Variants in TLN1 observed in about 807,000 individuals in gnomAD.
TLN1 encodes talin 1, also known as talin-1.
In TLN1, 56 loss-of-function variants were observed where a neutral mutation model predicts 292.3. The ratio of observed to expected loss-of-function variants is 0.19; its 90% CI spans 0.15 to 0.24. The LOEUF is 0.24. Ranked by LOEUF, TLN1 falls within the 10% of genes least tolerant of loss-of-function variation. TLN1 has a pLI of 1.00. For missense variants in TLN1, 2,433 were observed against 3,248.2 expected, an observed-to-expected ratio of 0.75 and a Z score of 6.10; for synonymous variants, 1,119 against 1,253.7, an observed-to-expected ratio of 0.89 and a Z score of 2.27.
chr9:35,728,111 C>T (rs1456253369), intron 1 of TLN1, among the ~76,000 whole-genome samples: 7 of 152,166 alleles, frequency 4.6e-5, no homozygotes, highest in East Asian at 1.9e-4. Flanking sequence ...TACATTCCTG[C>T]GATGCATTCC....
chr9:35,731,165 G>A (rs527965162), intron 1 of TLN1, among the ~76,000 whole-genome samples: 2 of 152,150 alleles, frequency 1.3e-5, no homozygotes, highest in Admixed American at 6.5e-5. Flanking sequence ...TAACTACATA[G>A]GAATAAAGGA....
rs1825963207 is a variant in TLN1, at chr9:35,725,604, T to C, written c.91A>G (p.Ile31Val). 6.2e-7 allele frequency: 1 copy of C among 1,613,742 alleles called. No individual in the cohort carries two copies. Among genetic ancestry groups the C allele is most frequent in the African/African-American group, 1.3e-5 (1 of 74,900 alleles). ...PSTMVYDACRIIRERIPEAPA... is the reference protein window; with the variant it reads ...PSTMVYDACRVIRERIPEAPA... The stretch of plus-strand genomic sequence containing the variant: ...GCCTCTGGGATCCGCTCACGAATGA[T>C]GCGGCAGGCGTCGTACACCATGGTA... Residue 31 changes from isoleucine to valine, a missense_variant, in exon 2 of 57, where the codon ATC (isoleucine) becomes GTC (valine). Around this residue, in one of 7 missense-constraint regions of TLN1, gnomAD observed 155 missense variants for 287.9 expected, o/e 0.54. Transcript: ENST00000314888.
intron 19 of TLN1, 51 bp from the exon 20 acceptor site, chr9:35,716,607 CA>C (rs1825787999): frequency 1.3e-6 from 2 of 1,593,160 alleles, no homozygotes; most frequent in Non-Finnish European, 1.7e-6. Context: ...ACTGAGGTGT[CA>C]GGGGTGGGGA....
At position 35,715,002 on chromosome 9, in the gene TLN1, C is replaced by T. The variant is rs1369338827; in HGVS notation, c.2754+57G>A. Reference sequence around the variant, plus strand: ...TACTCTCCGCACCTCCCTTTCAGTTCATTCCTCCCACAGCACCCACACTCT... The same window carrying T: ...TACTCTCCGCACCTCCCTTTCAGTTTATTCCTCCCACAGCACCCACACTCT... On this transcript the variant is annotated intron_variant, in intron 21 of 56. Coordinates refer to ENST00000314888, the MANE Select transcript of TLN1 (RefSeq NM_006289.4). 3.1e-6 allele frequency: 5 copies of T among 1,611,858 alleles called. No individual in the cohort carries two copies. In the African/African-American group the frequency reaches 6.7e-5, roughly 22 times the overall value.
Position 35,725,085 on chromosome 9 carries a change from G to A in TLN1, c.229-126C>T. On this transcript the variant is annotated intron_variant, in intron 3 of 56. Transcript: ENST00000314888. ...ACTATGGTGGTTCGTTCAAAAGCAG[G>A]GAATTATGACTGTCTGTTAATAGGA... 3.2e-6 allele frequency: 5 copies of A among 1,550,822 alleles called. No homozygotes were observed. The South Asian group carries it at 4.7e-5, about 14-fold the overall frequency.
intron 25 of TLN1, 87 bp downstream of exon 25, chr9:35,713,866 G>T (rs1825725610): frequency 7.2e-7 from 1 of 1,398,132 alleles, no homozygotes; most frequent in Non-Finnish European, 9.7e-7. Context: ...AAAAAGGAAG[G>T]AAGGAAAGGT....
At chr9:35,716,588 G>A in intron 19 of TLN1, 32 bp from the exon 20 acceptor site, 2 of 1,606,958 alleles carry the variant, frequency 1.2e-6, no homozygotes, top group South Asian at 2.2e-5. Flanking sequence ...AGGCGAGGAA[G>A]CCAGAGACAC....
At position 35,697,203 on chromosome 9, in the gene TLN1, G is replaced by C. The variant is rs896699308; in HGVS notation, c.*588C>G. 3.3e-5 allele frequency: 5 copies of C among 152,774 alleles called. No individual in the cohort carries two copies. Among genetic ancestry groups the C allele is most frequent in the African/African-American group, 1.2e-4 (5 of 41,444 alleles). The allele number at this position is 152,774 out of a possible 1,614,324, so 9.5% of individuals were successfully genotyped here. ...TAGGGTCCGGGTGCAAGGAGGAAGG[G>C]ACCTCAGGTGCAGACTGCCAGTCTT... On this transcript the variant is annotated 3_prime_UTR_variant, in exon 57 of 57. Transcript: ENST00000314888.
intron 2 of TLN1, 90 bp downstream of exon 2, chr9:35,725,475 G>T: frequency 6.4e-7 from 1 of 1,568,516 alleles, no homozygotes; most frequent in Non-Finnish European, 8.7e-7. Context: ...TAGTCTTAGG[G>T]GACAAAGGGG....
chr9:35,699,183 G>A lies in TLN1; in HGVS notation c.6875-27C>T. ...TGGTGGGATGAAGGAAGAGGAAAGAGGCTAAGGCAGAGTGGGGAGGTCAAA... is the reference window on the plus strand; with the variant it reads ...TGGTGGGATGAAGGAAGAGGAAAGAAGCTAAGGCAGAGTGGGGAGGTCAAA... On this transcript the variant is annotated intron_variant, in intron 51 of 56. Transcript: ENST00000314888. The surrounding 1 kb of genome is among the most constrained non-coding windows in gnomAD (Gnocchi z 4.0). 6.3e-7 allele frequency: 1 copy of A among 1,593,644 alleles called. No individual in the cohort carries two copies. Among genetic ancestry groups the A allele is most frequent in the Non-Finnish European group, 8.6e-7 (1 of 1,168,296 alleles).
intron 7 of TLN1, chr9:35,723,315 C>G (rs1178415113): frequency 4.7e-6 from 1 of 213,140 alleles, no homozygotes; most frequent in Non-Finnish European, 9.5e-6. Flanking sequence ...GTTGGTCAGG[C>G]TGGTCTCGAA....
intron 30 of TLN1, 69 bp from the exon 31 acceptor site, chr9:35,711,151 AT>A (rs1368948452): frequency 6.2e-7 from 1 of 1,610,296 alleles, no homozygotes; most frequent in African/African-American, 1.3e-5. Context: ...GTAAGTATTT[AT>A]CTTTTGCCTA....
At chr9:35,715,885 G>A (rs1825768822) in intron 20 of TLN1, among the ~76,000 whole-genome samples, 1 of 152,084 alleles carries the variant, frequency 6.6e-6, no homozygotes, top group Non-Finnish European at 1.5e-5. Flanking sequence ...GATGACTAAA[G>A]TTAAGACTAT....
At position 35,704,686 on chromosome 9, in the gene TLN1, G is replaced by T. The variant is rs760076950; in HGVS notation, c.5863C>A (p.Arg1955=). ...YTKKELIECA[R]RVSEKVSHVL... The stretch of plus-strand genomic sequence containing the variant: ...ACCGTCACCTTCTCAGAGACTCTCC[G>T]GGCACACTCTATGAGCTCCTTCTTG... The change falls in exon 44 of 57, where the codon CGG becomes AGG. Residue 1955 remains arginine, a synonymous_variant. Coordinates refer to ENST00000314888, the MANE Select transcript of TLN1 (RefSeq NM_006289.4). The surrounding 1 kb of genome is among the most constrained non-coding windows in gnomAD (Gnocchi z 6.9). 1 of 1,614,056 alleles carries T rather than the reference G, an allele frequency of 6.2e-7. No individual in the cohort carries two copies. The highest frequency in any genetic ancestry group is 8.5e-7 in the Non-Finnish European group (1 of 1,180,018).
intron 1 of TLN1, among the ~76,000 whole-genome samples, chr9:35,726,566 G>A (rs1825981639): frequency 6.6e-6 from 1 of 152,132 alleles, no homozygotes; most frequent in Non-Finnish European, 1.5e-5. Context: ...ATTCCCTAAG[G>A]CTCTTGAAGC....
Position 35,717,644 on chromosome 9 carries a change from G to A in TLN1, c.2138C>T (p.Thr713Ile). The A allele has an allele frequency of 1.2e-6, 2 of 1,613,748 alleles. No homozygotes were observed. Among genetic ancestry groups the A allele is most frequent in the Non-Finnish European group, 1.7e-6 (2 of 1,179,672 alleles). Residue 713 changes from threonine to isoleucine, a missense_variant, in exon 18 of 57, where the codon ACT (threonine) becomes ATT (isoleucine). Physicochemically the swap from Thr to Ile is moderately conservative, Grantham distance 89. Around this residue, in one of 7 missense-constraint regions of TLN1, gnomAD observed 617 missense variants for 770.6 expected, o/e 0.80. Coordinates refer to ENST00000314888, the MANE Select transcript of TLN1 (RefSeq NM_006289.4). This position sits in a 1 kb window ranked among gnomAD's most constrained non-coding sequence, Gnocchi z 4.7. ...IAAATQCALS[T>I]SQLVACTKVV... ...CTTAGTACAGGCCACTAGTTGGGAAGTGGATAGGGCACACTGTGTTGCTGC... is the reference window on the plus strand; with the variant it reads ...CTTAGTACAGGCCACTAGTTGGGAAATGGATAGGGCACACTGTGTTGCTGC...
Position 35,710,917 on chromosome 9 carries a change from A to C in TLN1, c.4114-31T>G, listed in dbSNP as rs1167639507. The stretch of plus-strand genomic sequence containing the variant: ...TAGGGGGAGGGCAAAGTGAGATCCA[A>C]GACACCTCCCTCAGGCCCAAAACCA... On this transcript the variant is annotated intron_variant, in intron 31 of 56. Transcript: ENST00000314888. 4 of 1,613,660 alleles carry C rather than the reference A, an allele frequency of 2.5e-6. No individual in the cohort carries two copies. The South Asian group carries it at 3.3e-5, about 13-fold the overall frequency.
intron 20 of TLN1, 113 bp downstream of exon 20, chr9:35,716,277 C>T (rs1477124065): frequency 1.6e-6 from 2 of 1,277,424 alleles, no homozygotes; most frequent in East Asian, 2.4e-5. Flanking sequence ...TATATTTGTC[C>T]TCTTGTGTTT....
intron 1 of TLN1, among the ~76,000 whole-genome samples, chr9:35,728,306 T>A (rs927063057): frequency 2.6e-5 from 4 of 152,120 alleles, no homozygotes; most frequent in African/African-American, 9.7e-5. Flanking sequence ...GGAAAGAGCT[T>A]AAGACAGTCA....
Sources: gnomAD v4.1 joint callset for allele counts (sites outside exome capture counted in the v4.1 genomes callset) on GRCh38, gnomAD v4.1.1 for gene constraint, gnomAD v4.1.1 regional missense constraint, Gnocchi (gnomAD v3.1) non-coding constraint, MANE v1.5 for transcripts, NCBI Gene and HGNC (gene_info 2026-07-23, HGNC 2026-07-21) for gene names.